The following NCKAP5 variants were observed in gnomAD, a reference collection of about 807,000 sequenced individuals.
The protein encoded by NCKAP5 is nck-associated protein 5.
A neutral mutation model predicts 167.0 loss-of-function variants in NCKAP5; 92 were observed. That is an observed-to-expected ratio of 0.55 (90% confidence interval 0.47 to 0.66). The LOEUF (loss-of-function observed/expected upper bound fraction) is 0.66, where lower values mean the gene tolerates loss of function less well. NCKAP5 is among the 30% of genes least tolerant of loss of function. The pLI, the probability that NCKAP5 is intolerant of heterozygous loss-of-function variation, is 0.00. For synonymous variants in NCKAP5, 891 were observed against 877.4 expected, an observed-to-expected ratio of 1.02 and a Z score of -0.27; for missense variants, 2,378 against 2,315.0, an observed-to-expected ratio of 1.03 and a Z score of -0.56.
intron 5 of NCKAP5, among the ~76,000 whole-genome samples, chr2:133,168,033 T>G (rs555584808): frequency 6.6e-6 from 1 of 152,170 alleles, no homozygotes; most frequent in East Asian, 1.9e-4. Context: ...AAGCGCTTTA[T>G]ATGATAATTC....
At chr2:133,557,150 T>C (rs1051240438) in intron 2 of NCKAP5, among the ~76,000 whole-genome samples, 7 of 152,178 alleles carry the variant, frequency 4.6e-5, no homozygotes, top group African/African-American at 1.4e-4. Flanking sequence ...TCCTGGCCGA[T>C]AGCTTGTCTT....
chr2:133,533,207 A>T (rs1685500710), intron 2 of NCKAP5, among the ~76,000 whole-genome samples: 1 of 152,250 alleles, frequency 6.6e-6, no homozygotes, highest in African/African-American at 2.4e-5. Context: ...AGCTGTGCCC[A>T]TCTGGGCAGG....
intron 5 of NCKAP5, among the ~76,000 whole-genome samples, chr2:133,190,711 T>C (rs1249545242): frequency 6.6e-6 from 1 of 152,162 alleles, no homozygotes; most frequent in Non-Finnish European, 1.5e-5. Flanking sequence ...AAAAACTGGC[T>C]AGCCATATGG....
At position 133,511,068 on chromosome 2, in the gene NCKAP5, A is replaced by C. The variant is rs141461765; in HGVS notation, c.69+6390T>G. Among the ~76,000 whole-genome samples the C allele has an allele frequency of 3.9e-4, 60 of 152,320 alleles. No homozygotes were observed. The East Asian group carries it at 0.01, about 26-fold the overall frequency. Reference sequence around the variant, plus strand: ...TTAATGCATGATTCACTAAGTGAACATGCTGAGCTGTCTGCTAAAGTGGCT... The same window carrying C: ...TTAATGCATGATTCACTAAGTGAACCTGCTGAGCTGTCTGCTAAAGTGGCT... On this transcript the variant is annotated intron_variant, in intron 3 of 19. Transcript: ENST00000409261.
the NCKAP5 span, among the ~76,000 whole-genome samples, chr2:133,621,311 T>A: frequency 6.6e-6 from 1 of 151,112 alleles, no homozygotes; most frequent in Admixed American, 6.6e-5. Flanking sequence ...ACAAAAAAAA[T>A]ACAAAAGATA....
At chr2:133,085,272 C>A (rs1005709001) in intron 6 of NCKAP5, among the ~76,000 whole-genome samples, 1 of 152,106 alleles carries the variant, frequency 6.6e-6, no homozygotes, top group African/African-American at 2.4e-5. Flanking sequence ...GCATCAGGCA[C>A]CTACCACCTG....
chr2:133,316,710 C>G (rs976069909), intron 3 of NCKAP5, among the ~76,000 whole-genome samples: 1 of 152,194 alleles, frequency 6.6e-6, no homozygotes, highest in South Asian at 2.1e-4. Context: ...CAAAGACTGC[C>G]TCTACTGCCG....
intron 3 of NCKAP5, among the ~76,000 whole-genome samples, chr2:133,449,812 A>C (rs1691431251): frequency 6.6e-6 from 1 of 152,072 alleles, no homozygotes; most frequent in Non-Finnish European, 1.5e-5. Flanking sequence ...GCCTCATCCA[A>C]ATCTCACAGT....
intron 19 of NCKAP5, among the ~76,000 whole-genome samples, chr2:132,713,091 C>A (rs1689015938): frequency 7.3e-6 from 1 of 137,504 alleles, no homozygotes; most frequent in Non-Finnish European, 1.6e-5. Flanking sequence ...ACAGTGTGCT[C>A]CCTTTTGCGT....
intron 4 of NCKAP5, among the ~76,000 whole-genome samples, chr2:133,221,785 G>A (rs928467434): frequency 7.2e-5 from 11 of 152,122 alleles, no homozygotes; most frequent in African/African-American, 2.2e-4. Flanking sequence ...AATTACATAG[G>A]AGAACAGATC....
chr2:133,546,764 C>T (rs551426890), intron 2 of NCKAP5, among the ~76,000 whole-genome samples: 1 of 152,330 alleles, frequency 6.6e-6, no homozygotes, highest in East Asian at 1.9e-4. Context: ...AATGAGCCCT[C>T]CCATTAATTC....
At chr2:133,323,942 TCCCAAGAAATTC>T (rs1682248872) in intron 3 of NCKAP5, among the ~76,000 whole-genome samples, 1 of 152,176 alleles carries the variant, frequency 6.6e-6, no homozygotes, top group African/African-American at 2.4e-5. Context: ...TGGTGTTATG[TCCCAAGAAATTC>T]CCCAAAACTC....
At chr2:133,079,326 C>T (rs2080725393) in intron 6 of NCKAP5, among the ~76,000 whole-genome samples, 1 of 152,084 alleles carries the variant, frequency 6.6e-6, no homozygotes, top group African/African-American at 2.4e-5. Context: ...AGGGTTGAAG[C>T]AAAAGATTTT....
intron 3 of NCKAP5, among the ~76,000 whole-genome samples, chr2:133,370,778 CT>C (rs1179186315): frequency 7.3e-6 from 1 of 136,880 alleles, no homozygotes; most frequent in African/African-American, 2.7e-5. Flanking sequence ...GATTTTTTTT[CT>C]TTTTTTCCCC....
At chr2:133,327,541 A>G (rs947240099) in intron 3 of NCKAP5, among the ~76,000 whole-genome samples, 1 of 152,118 alleles carries the variant, frequency 6.6e-6, no homozygotes, top group African/African-American at 2.4e-5. Flanking sequence ...TGGTCTGAGT[A>G]CATAAGTTTT....
At chr2:133,621,868 A>C in the NCKAP5 span, among the ~76,000 whole-genome samples, 1 of 152,120 alleles carries the variant, frequency 6.6e-6, no homozygotes, top group Non-Finnish European at 1.5e-5. Context: ...TGATGAACAT[A>C]GAGGCAAAAA....
At chr2:132,858,738 C>T (rs1475686415) in intron 11 of NCKAP5, among the ~76,000 whole-genome samples, 1 of 152,094 alleles carries the variant, frequency 6.6e-6, no homozygotes, top group Non-Finnish European at 1.5e-5. Flanking sequence ...TGGCTGAAAA[C>T]ACCTAATGAA....
intron 3 of NCKAP5, among the ~76,000 whole-genome samples, chr2:133,357,288 GACAC>G (rs10635907): frequency 0.037 from 5,170 of 140,210 alleles, 201 homozygotes; most frequent in African/African-American, 0.099. Flanking sequence ...CACATACACA[GACAC>G]ACACACACAC....
chr2:133,202,831 C>A (rs1242413334), intron 5 of NCKAP5, among the ~76,000 whole-genome samples: 1 of 152,084 alleles, frequency 6.6e-6, no homozygotes, highest in Non-Finnish European at 1.5e-5. Context: ...AAATCAAAAC[C>A]ACAAAGAGAA....
Sources: gnomAD v4.1 joint callset for allele counts (sites outside exome capture counted in the v4.1 genomes callset) on GRCh38, gnomAD v4.1.1 for gene constraint, MANE v1.5 for transcripts, NCBI Gene and HGNC (gene_info 2026-07-23, HGNC 2026-07-21) for gene names.